CHD9: variants seen among roughly 807,000 people sequenced by gnomAD.
The protein encoded by CHD9 is chromodomain helicase DNA binding protein 9.
CHD9 carries 77 observed loss-of-function variants against 316.1 expected under a neutral mutation model. The ratio of observed to expected loss-of-function variants is 0.24; its 90% CI spans 0.20 to 0.29. The LOEUF (loss-of-function observed/expected upper bound fraction) is 0.29. CHD9 is among the 10% of genes least tolerant of loss of function. The pLI is 1.00. For missense variants in CHD9, 2,763 were observed against 3,438.1 expected (o/e 0.80, Z 4.91); for synonymous variants, 1,129 against 1,158.3 (o/e 0.97, Z 0.51).
chr16:53,177,551 T>C (rs970177761), intron 2 of CHD9, among the ~76,000 whole-genome samples: 1 of 152,330 alleles, frequency 6.6e-6, no homozygotes, highest in South Asian at 2.1e-4. Flanking sequence ...GAGGCCCAGA[T>C]AGAGTCTACA....
At chr16:53,136,551 T>C (rs962127344) in intron 1 of CHD9, among the ~76,000 whole-genome samples, 2 of 135,950 alleles carry the variant, frequency 1.5e-5, no homozygotes, top group African/African-American at 2.7e-5. Context: ...CTGAGTACCT[T>C]TTCCTAAAAA....
In CHD9 at chr16:53,157,284, G is replaced by C; in HGVS notation, c.1195G>C (p.Glu399Gln). 6 of 1,609,682 alleles carry C rather than the reference G, an allele frequency of 3.7e-6. No homozygotes were observed. The highest frequency in any genetic ancestry group is 4.2e-6 in the Non-Finnish European group (5 of 1,177,640). Residue 399 changes from glutamate (E) to glutamine (Q), a missense_variant, in exon 2 of 39, where the codon GAG becomes CAG. Physicochemically the swap from Glu to Gln is conservative, Grantham distance 29. Around this residue, in one of 15 missense-constraint regions of CHD9, gnomAD observed 859 missense variants for 890.4 expected, o/e 0.96. Transcript: ENST00000447540. ...NLLHQVESQT[E>Q]PFTGLDPEDL... ...ACTTCATCAAGTGGAATCTCAAACT[G>C]AGCCATTCACAGGACTTGACCCCGA...
In CHD9 at chr16:53,171,861, GACACACACACAC is replaced by G. The variant is rs750572537; in HGVS notation, c.1452+14350_1452+14361del. Among the ~76,000 whole-genome samples the G allele has an allele frequency of 1.2e-3, 149 of 124,942 alleles. 2 individuals carry two copies. Among genetic ancestry groups the G allele is most frequent in the African/African-American group, 3.8e-3 (134 of 35,514 alleles). The allele number at this position is 124,942 out of a possible 152,430, so 82.0% of individuals were successfully genotyped here. On this transcript the variant is annotated intron_variant, in intron 2 of 38. Coordinates refer to ENST00000447540, the MANE Select transcript of CHD9 (RefSeq NM_001308319.2). Reference sequence around the variant, plus strand: ...ACACACACACACACACACACACACAGACACACACACACACACACACACACACACACACACACA... The same window carrying G: ...ACACACACACACACACACACACACAGACACACACACACACACACACACACA...
intron 2 of CHD9, among the ~76,000 whole-genome samples, chr16:53,192,080 AAAAC>A (rs907642477): frequency 6.6e-6 from 1 of 151,874 alleles, no homozygotes; most frequent in East Asian, 1.9e-4. Flanking sequence ...AAAAAAAAAA[AAAAC>A]AGTCAATGTC....
At chr16:53,289,742 A>T (rs755646027) in intron 27 of CHD9, among the ~76,000 whole-genome samples, 3 of 152,192 alleles carry the variant, frequency 2.0e-5, no homozygotes, top group Non-Finnish European at 2.9e-5. Context: ...GCTCCCAAGG[A>T]AGAGTCCCAT....
intron 34 of CHD9, among the ~76,000 whole-genome samples, chr16:53,313,528 G>T (rs1378499259): frequency 1.3e-5 from 2 of 152,002 alleles, no homozygotes; most frequent in East Asian, 3.9e-4. Context: ...CTGGTCTTGA[G>T]CTCCTGACCT....
intron 3 of CHD9, among the ~76,000 whole-genome samples, chr16:53,219,662 G>C (rs1364275154): frequency 6.6e-6 from 1 of 152,172 alleles, no homozygotes; most frequent in East Asian, 1.9e-4. Flanking sequence ...TGTTGGATTT[G>C]CCATTTTAAA....
intron 2 of CHD9, among the ~76,000 whole-genome samples, chr16:53,183,387 G>GT (rs1282672298): frequency 6.6e-6 from 1 of 152,032 alleles, no homozygotes; most frequent in East Asian, 1.9e-4. Flanking sequence ...TCATAATGCT[G>GT]TATATCCATA....
intron 1 of CHD9, among the ~76,000 whole-genome samples, chr16:53,135,274 A>C (rs1323480746): frequency 1.3e-5 from 2 of 152,192 alleles, no homozygotes; most frequent in African/African-American, 4.8e-5. Flanking sequence ...CATATTAAAG[A>C]CTTACAGGTT....
At chr16:53,132,793 CTTTTTTTTTTTTTTTT>C (rs748626858) in intron 1 of CHD9, among the ~76,000 whole-genome samples, 1 of 68,478 alleles carries the variant, frequency 1.5e-5, no homozygotes, top group Non-Finnish European at 3.0e-5. Flanking sequence ...TCTAATTCTG[CTTTTTTTTTTTTTTTT>C]TTTTTTTTTT....
chr16:53,137,870 C>A (rs1239592560), intron 1 of CHD9, among the ~76,000 whole-genome samples: 1 of 152,044 alleles, frequency 6.6e-6, no homozygotes, highest in East Asian at 1.9e-4. Flanking sequence ...ATAGAATGAA[C>A]TTTAGGGAAT....
In CHD9 at chr16:53,143,679, G is replaced by A. The variant is rs577052201; in HGVS notation, c.-164-12247G>A. On this transcript the variant is annotated intron_variant, in intron 1 of 38. Transcript: ENST00000447540. ...TAGGATTACAGGCATGAGCTACCACGCCCGGCCTCATAATGATTTTATATA... is the reference window on the plus strand; with the variant it reads ...TAGGATTACAGGCATGAGCTACCACACCCGGCCTCATAATGATTTTATATA... Among the ~76,000 whole-genome samples, 11 of 152,106 alleles carry A rather than the reference G, an allele frequency of 7.2e-5. No individual in the cohort carries two copies. The East Asian group carries it at 1.7e-3, about 24-fold the overall frequency.
intron 36 of CHD9, 131 bp from the exon 37 acceptor site, chr16:53,318,081 T>C (rs981932415): frequency 3.0e-6 from 2 of 664,918 alleles, no homozygotes; most frequent in African/African-American, 1.9e-5. Context: ...TAAAAAAGTT[T>C]AGATATTTTT....
intron 37 of CHD9, 24 bp from the exon 38 acceptor site, chr16:53,321,502 A>T (rs2057273015): frequency 6.6e-7 from 1 of 1,520,492 alleles, no homozygotes; most frequent in Non-Finnish European, 8.9e-7. Context: ...GTGTTGTAGT[A>T]TTTAATCTGT....
Position 53,304,220 on chromosome 16 carries a change from C to G in CHD9, c.6214C>G (p.Leu2072Val), listed in dbSNP as rs749385170. ...ESMSSVETRTLIKSEPVSPKN... is the reference protein window; with the variant it reads ...ESMSSVETRTVIKSEPVSPKN... ...TATGTCTTCTGTGGAAACCAGGACA[C>G]TAATAAAATCTGAGCCTGTAAGTCC... The change falls in exon 31 of 39, where the codon CTA becomes GTA. Residue 2072 changes from leucine to valine, a missense_variant. Around this residue, in one of 15 missense-constraint regions of CHD9, gnomAD observed 663 missense variants for 751.2 expected, o/e 0.88. Transcript: ENST00000447540. 12 of 1,610,884 alleles carry G rather than the reference C, an allele frequency of 7.4e-6. No homozygotes were observed. The East Asian group carries it at 2.5e-4, about 33-fold the overall frequency.
intron 1 of CHD9, among the ~76,000 whole-genome samples, chr16:53,110,078 G>A (rs1311673460): frequency 6.6e-6 from 1 of 152,154 alleles, no homozygotes; most frequent in East Asian, 1.9e-4. Context: ...GTAAAGCTAT[G>A]CACTCTCCAG....
intron 1 of CHD9, among the ~76,000 whole-genome samples, chr16:53,107,489 T>TAAAATAAAATA (rs377019215): frequency 1.9e-4 from 24 of 123,138 alleles, no homozygotes; most frequent in African/African-American, 7.2e-4. Flanking sequence ...TAAAATAAAA[T>TAAAATAAAATA]AAATAAAATA....
intron 5 of CHD9, 88 bp from the exon 6 acceptor site, chr16:53,227,303 GTTGAA>G: frequency 4.0e-6 from 3 of 743,876 alleles, no homozygotes; most frequent in South Asian, 1.8e-5. Flanking sequence ...ATAAATATTT[GTTGAA>G]TTGTAGTATG....
chr16:53,098,475 C>CAAAAA (rs35249810), intron 1 of CHD9, among the ~76,000 whole-genome samples: 4 of 105,680 alleles, frequency 3.8e-5, no homozygotes, highest in African/African-American at 4.3e-5. Context: ...GACTCCGTCT[C>CAAAAA]AAAAAAAAAA....
Sources: allele counts gnomAD v4.1 joint callset (sites outside exome capture counted in the v4.1 genomes callset), GRCh38; gene constraint gnomAD v4.1.1; regional missense constraint gnomAD v4.1.1; transcripts MANE v1.5; gene names NCBI Gene and HGNC (gene_info 2026-07-23, HGNC 2026-07-21).